ZBTB16: variants seen among roughly 807,000 people sequenced by gnomAD.
ZBTB16 encodes zinc finger and BTB domain-containing protein 16.
Under a neutral mutation model 56.8 loss-of-function variants are expected in ZBTB16, and 8 were observed. The ratio of observed to expected loss-of-function variants is 0.14; its 90% confidence interval spans 0.08 to 0.25. The LOEUF is 0.25. ZBTB16 is among the 10% of genes least tolerant of loss of function. The pLI is 1.00. For missense variants in ZBTB16, 625 were observed against 903.0 expected, an observed-to-expected ratio of 0.69 and a Z score of 3.95; for synonymous variants, 363 against 368.5, an observed-to-expected ratio of 0.98 and a Z score of 0.17.
intron 4 of ZBTB16, among the ~76,000 whole-genome samples, chr11:114,239,842 C>T (rs1265863198): frequency 2.0e-5 from 3 of 152,204 alleles, no homozygotes; most frequent in Non-Finnish European, 4.4e-5. Flanking sequence ...CCAGAGGTAG[C>T]ATTGAGTCCA....
At chr11:114,181,547 A>G (rs1013036147) in intron 3 of ZBTB16, among the ~76,000 whole-genome samples, 1 of 152,218 alleles carries the variant, frequency 6.6e-6, no homozygotes. Context: ...GTATTCACTT[A>G]TGTCTATTAT....
intron 4 of ZBTB16, among the ~76,000 whole-genome samples, chr11:114,216,051 G>T (rs1944087760): frequency 6.6e-6 from 1 of 152,164 alleles, no homozygotes; most frequent in Non-Finnish European, 1.5e-5. Context: ...GTTTCCATTT[G>T]TTACCACCTC....
intron 2 of ZBTB16, among the ~76,000 whole-genome samples, chr11:114,140,534 C>T (rs959366665): frequency 6.6e-6 from 1 of 152,184 alleles, no homozygotes; most frequent in Non-Finnish European, 1.5e-5. Context: ...AGTTGGTAGC[C>T]AGTGCAGGGT....
chr11:114,098,887 A>G, intron 2 of ZBTB16, among the ~76,000 whole-genome samples: 1 of 152,184 alleles, frequency 6.6e-6, no homozygotes, highest in East Asian at 1.9e-4. Context: ...TGGAAATGCT[A>G]ATGATTATTT....
At chr11:114,163,769 A>G (rs1397185627) in intron 3 of ZBTB16, among the ~76,000 whole-genome samples, 1 of 152,150 alleles carries the variant, frequency 6.6e-6, no homozygotes, top group African/African-American at 2.4e-5. Context: ...AGCTCGTTCC[A>G]TCTACCCCTC....
intron 4 of ZBTB16, among the ~76,000 whole-genome samples, chr11:114,241,241 A>T (rs12295656): frequency 6.6e-6 from 1 of 151,962 alleles, no homozygotes; most frequent in Non-Finnish European, 1.5e-5. Flanking sequence ...GTTAAAAAAA[A>T]AAAACAAAAC....
chr11:114,095,385 T>C (rs1448541391), intron 2 of ZBTB16, among the ~76,000 whole-genome samples: 1 of 150,952 alleles, frequency 6.6e-6, no homozygotes, highest in Non-Finnish European at 1.5e-5. Context: ...CTCAGCCTCC[T>C]GAGTAGCTGG....
intron 1 of ZBTB16, among the ~76,000 whole-genome samples, chr11:114,061,216 G>A (rs370528581): frequency 6.6e-6 from 1 of 152,118 alleles, no homozygotes; most frequent in African/African-American, 2.4e-5. Context: ...TCCCCGCGCC[G>A]CCTGGCTGGA....
In ZBTB16 at chr11:114,233,070, C is replaced by A. The variant is rs1363445048; in HGVS notation, c.1454-9097C>A. ...CCACTCTACTGCACATACGCATGCG[C>A]GCGCGCGCGCGCACACACACACACA... On this transcript the variant is annotated intron_variant, in intron 4 of 6. Coordinates refer to ENST00000335953, the MANE Select transcript of ZBTB16 (RefSeq NM_006006.6). Among the ~76,000 whole-genome samples, 34 of 26,212 alleles carry A rather than the reference C, an allele frequency of 1.3e-3. 1 individual carries two copies. Among genetic ancestry groups the A allele is most frequent in the South Asian group, 4.7e-3 (2 of 422 alleles). 17.2% of individuals were successfully genotyped at this position (26,212 alleles called of 152,430 possible). A position where few individuals can be genotyped will look rare whatever the true frequency, so the allele number is the denominator to read the frequency against.
intron 2 of ZBTB16, among the ~76,000 whole-genome samples, chr11:114,092,504 G>C (rs1046010535): frequency 6.6e-6 from 1 of 152,198 alleles, no homozygotes; most frequent in Non-Finnish European, 1.5e-5. Context: ...TGTGGTTGAG[G>C]ATACAGTGCA....
At position 114,250,297 on chromosome 11, in the gene ZBTB16, T is replaced by C. The variant is rs1944894909; in HGVS notation, c.1793-29T>C. 1 of 1,605,450 alleles carries C rather than the reference T, an allele frequency of 6.2e-7. No individual in the cohort carries two copies. Among genetic ancestry groups the C allele is most frequent in the African/African-American group, 1.3e-5 (1 of 74,896 alleles). On this transcript the variant is annotated intron_variant, in intron 6 of 6. Transcript: ENST00000335953. The surrounding 1 kb of genome is among the most constrained non-coding windows in gnomAD (Gnocchi z 6.0). The stretch of plus-strand genomic sequence containing the variant: ...CTCACCGCCTTCTGTCTGTCCTCAC[T>C]TTCTCCTGCCCTGTCCCTCCGCCCT...
chr11:114,146,285 C>T (rs181666498), intron 2 of ZBTB16, among the ~76,000 whole-genome samples: 3 of 152,174 alleles, frequency 2.0e-5, no homozygotes, highest in African/African-American at 2.4e-5. Flanking sequence ...GGAATGCTCT[C>T]GGTGACTCCT....
intron 2 of ZBTB16, among the ~76,000 whole-genome samples, chr11:114,098,154 A>T (rs1940485048): frequency 6.6e-6 from 1 of 152,118 alleles, no homozygotes; most frequent in Non-Finnish European, 1.5e-5. Context: ...AAATTTAAAG[A>T]CCCATAAGGA....
At chr11:114,107,301 C>T (rs1488001222) in intron 2 of ZBTB16, among the ~76,000 whole-genome samples, 1 of 152,154 alleles carries the variant, frequency 6.6e-6, no homozygotes, top group African/African-American at 2.4e-5. Context: ...CTGATGATAT[C>T]CAGAAAAGAA....
chr11:114,102,113 C>G (rs1324519382), intron 2 of ZBTB16, among the ~76,000 whole-genome samples: 2 of 152,158 alleles, frequency 1.3e-5, no homozygotes, highest in East Asian at 3.9e-4. Flanking sequence ...GTGGTTGGGA[C>G]GTCCTCATTC....
intron 3 of ZBTB16, among the ~76,000 whole-genome samples, chr11:114,167,130 G>A (rs1942779831): frequency 6.8e-6 from 1 of 147,366 alleles, no homozygotes; most frequent in Non-Finnish European, 1.5e-5. Context: ...GCTTGCGGGT[G>A]TTTTAATGAC....
intron 1 of ZBTB16, among the ~76,000 whole-genome samples, chr11:114,061,049 C>T (rs909530156): frequency 3.3e-5 from 5 of 152,188 alleles, no homozygotes; most frequent in African/African-American, 1.2e-4. Context: ...TCGTCCCTAG[C>T]TCAGCTCTCC....
At chr11:114,232,831 T>C (rs1591801949) in intron 4 of ZBTB16, among the ~76,000 whole-genome samples, 2 of 152,164 alleles carry the variant, frequency 1.3e-5, no homozygotes, top group African/African-American at 4.8e-5. Context: ...TGTGGGCCCA[T>C]TGTCCTCGCC....
intron 4 of ZBTB16, among the ~76,000 whole-genome samples, chr11:114,225,684 A>G (rs1030249967): frequency 6.6e-6 from 1 of 152,204 alleles, no homozygotes; most frequent in Non-Finnish European, 1.5e-5. Context: ...CTGCTGCATT[A>G]AGATCAAGTT....
Sources: gnomAD v4.1 joint callset for allele counts (sites outside exome capture counted in the v4.1 genomes callset) on GRCh38, gnomAD v4.1.1 for gene constraint, Gnocchi (gnomAD v3.1) non-coding constraint, MANE v1.5 for transcripts, NCBI Gene and HGNC (gene_info 2026-07-23, HGNC 2026-07-21) for gene names.